ZC4H2: variants seen among roughly 807,000 people sequenced by gnomAD.
ZC4H2 encodes zinc finger C4H2-type containing.
For synonymous variants in ZC4H2, 84 were observed against 66.3 expected, an observed-to-expected ratio of 1.27 and a Z score of -1.30; for missense variants, 137 against 173.9, an observed-to-expected ratio of 0.79 and a Z score of 1.19.
intron 3 of ZC4H2, 86 bp downstream of exon 3, chrX:64,919,995 T>C: frequency 9.6e-7 from 1 of 1,038,043 alleles, no homozygotes; most frequent in Middle Eastern, 3.8e-4. Flanking sequence ...TGTGTATGTA[T>C]ACCTGCCCGT....
chrX:64,997,837 C>G (rs1932449011), intron 1 of ZC4H2, among the ~76,000 whole-genome samples: 1 of 111,611 alleles, frequency 9.0e-6, no homozygotes, highest in Non-Finnish European at 1.9e-5. Context: ...AGGTTAGTCT[C>G]AAACTCCAGG....
At chrX:64,970,555 T>C (rs1241332819) in intron 1 of ZC4H2, among the ~76,000 whole-genome samples, 1 of 110,368 alleles carries the variant, frequency 9.1e-6, no homozygotes, top group East Asian at 2.9e-4. Flanking sequence ...GAAGGGAGGA[T>C]ATCAATTCAA....
rs747344304 is a variant in ZC4H2, at chrX:64,950,937, C to T, written c.53+25388G>A. ...CGTCATTTAGCATTAGGTATATCTC[C>T]TAATGCCATAGCTCCCCACTCTCCC... is the stretch of plus-strand genomic sequence containing the variant. On this transcript the variant is annotated intron_variant, in intron 1 of 4. Transcript: ENST00000374839. Among the ~76,000 whole-genome samples, 4 of 110,644 alleles carry T rather than the reference C, an allele frequency of 3.6e-5. No individual in the cohort carries two copies. In the South Asian group the frequency reaches 1.2e-3, roughly 33 times the overall value.
intron 1 of ZC4H2, among the ~76,000 whole-genome samples, chrX:65,007,040 G>A (rs1191211518): frequency 4.5e-5 from 5 of 111,394 alleles, no homozygotes; most frequent in African/African-American, 1.3e-4. Context: ...TTTCATGCAG[G>A]CATGCTGAGT....
intron 1 of ZC4H2, among the ~76,000 whole-genome samples, chrX:64,989,002 C>G (rs1393911081): frequency 8.9e-6 from 1 of 111,874 alleles, no homozygotes; most frequent in Non-Finnish European, 1.9e-5. Context: ...TTGTTTTTGT[C>G]AAGTTTGTCA....
intron 1 of ZC4H2, among the ~76,000 whole-genome samples, chrX:65,026,961 C>G (rs1220572993): frequency 2.7e-5 from 3 of 112,159 alleles, no homozygotes; most frequent in Non-Finnish European, 5.6e-5. Flanking sequence ...GTTTATACTG[C>G]TCAGCATAAG....
chrX:64,931,031 C>T (rs1022790538), intron 1 of ZC4H2, among the ~76,000 whole-genome samples: 1 of 111,727 alleles, frequency 9.0e-6, no homozygotes, highest in East Asian at 2.8e-4. Context: ...CAGTTTCAAT[C>T]TTGCTTTTTG....
At chrX:64,928,764 T>C (rs901584206) in intron 1 of ZC4H2, among the ~76,000 whole-genome samples, 14 of 102,220 alleles carry the variant, frequency 1.4e-4, no homozygotes, top group African/African-American at 5.0e-4. Context: ...TCTTTTCTTC[T>C]TCTTTTCTTC....
chrX:65,022,361 C>T (rs1249407446), intron 1 of ZC4H2, among the ~76,000 whole-genome samples: 2 of 111,817 alleles, frequency 1.8e-5, no homozygotes, highest in Non-Finnish European at 3.8e-5. Context: ...GGATGCAAGG[C>T]TGGTTGACCA....
intron 1 of ZC4H2, among the ~76,000 whole-genome samples, chrX:65,013,371 T>A (rs1236533757): frequency 8.9e-6 from 1 of 111,752 alleles, no homozygotes; most frequent in Non-Finnish European, 1.9e-5. Flanking sequence ...AATCCCCTCC[T>A]ATTAGGGGCA....
intron 1 of ZC4H2, among the ~76,000 whole-genome samples, chrX:64,952,990 C>G (rs1454614651): frequency 1.8e-5 from 2 of 111,569 alleles, no homozygotes; most frequent in Non-Finnish European, 3.8e-5. Flanking sequence ...ACCAATGGAA[C>G]AGAACAGAAC....
intron 1 of ZC4H2, among the ~76,000 whole-genome samples, chrX:64,932,108 C>T (rs961226517): frequency 5.4e-5 from 6 of 110,328 alleles, no homozygotes; most frequent in African/African-American, 1.3e-4. Flanking sequence ...ATACAATGTC[C>T]TTGCTTGTCT....
At chrX:65,032,601 G>A (rs1468139069) in intron 1 of ZC4H2, among the ~76,000 whole-genome samples, 1 of 111,682 alleles carries the variant, frequency 9.0e-6, no homozygotes, top group East Asian at 2.8e-4. Context: ...TACTTAATTA[G>A]TTCTAGAGTG....
chrX:65,017,889 A>G (rs753912298), intron 1 of ZC4H2, among the ~76,000 whole-genome samples: 3 of 112,215 alleles, frequency 2.7e-5, no homozygotes, highest in Non-Finnish European at 5.6e-5. Flanking sequence ...TGGGGTTTTA[A>G]CTTCATCTGT....
At chrX:64,987,473 T>A (rs1317703438) in intron 1 of ZC4H2, among the ~76,000 whole-genome samples, 1 of 108,143 alleles carries the variant, frequency 9.2e-6, no homozygotes, top group Non-Finnish European at 1.9e-5. Flanking sequence ...GGTTTTTTTT[T>A]TTTTTTTCCC....
intron 1 of ZC4H2, among the ~76,000 whole-genome samples, chrX:65,013,494 C>T (rs1490630347): frequency 9.0e-6 from 1 of 111,200 alleles, no homozygotes; most frequent in East Asian, 2.8e-4. Context: ...AGCAGACTCT[C>T]TTTATTGATT....
intron 1 of ZC4H2, among the ~76,000 whole-genome samples, chrX:64,948,615 C>A (rs747116190): frequency 1.8e-5 from 2 of 112,025 alleles, no homozygotes; most frequent in African/African-American, 3.2e-5. Flanking sequence ...CACACCTTAT[C>A]TGTACTTCTG....
chrX:64,933,880 C>T (rs1181716805), intron 1 of ZC4H2, among the ~76,000 whole-genome samples: 1 of 111,943 alleles, frequency 8.9e-6, no homozygotes, highest in South Asian at 3.7e-4. Flanking sequence ...CCAGTTGTAG[C>T]TAAGGCAGGT....
At chrX:65,002,875 T>A (rs1932572456) in intron 1 of ZC4H2, among the ~76,000 whole-genome samples, 1 of 108,111 alleles carries the variant, frequency 9.2e-6, no homozygotes, top group South Asian at 4.0e-4. Context: ...TCGTTAAGAG[T>A]CATCACCACT....
Sources: allele counts gnomAD v4.1 joint callset (sites outside exome capture counted in the v4.1 genomes callset), GRCh38; gene constraint gnomAD v4.1.1; transcripts MANE v1.5; gene names NCBI Gene and HGNC (gene_info 2026-07-23, HGNC 2026-07-21).